Variants in ASH1L observed in about 807,000 individuals in gnomAD.
The protein encoded by ASH1L is ASH1 like histone lysine methyltransferase.
A neutral mutation model predicts 269.0 loss-of-function variants in ASH1L; 23 were observed. That is an observed-to-expected ratio of 0.09 (90% CI 0.06 to 0.12). The LOEUF (loss-of-function observed/expected upper bound fraction) is 0.12, where lower values mean the gene tolerates loss of function less well. ASH1L is among the 10% of genes least tolerant of loss of function. ASH1L has a pLI of 1.00. For synonymous variants in ASH1L, 1,187 were observed against 1,253.5 expected, an observed-to-expected ratio of 0.95 and a Z score of 1.12; for missense variants, 2,912 against 3,567.8, an observed-to-expected ratio of 0.82 and a Z score of 4.68.
intron 5 of ASH1L, among the ~76,000 whole-genome samples, chr1:155,437,284 GA>G (rs1662180794): frequency 6.6e-6 from 1 of 152,084 alleles, no homozygotes; most frequent in Non-Finnish European, 1.5e-5. Context: ...TCAAAAAATT[GA>G]AAAAGCGATT....
intron 17 of ASH1L, among the ~76,000 whole-genome samples, chr1:155,350,810 AC>A (rs1301692255): frequency 6.6e-6 from 1 of 151,704 alleles, no homozygotes; most frequent in African/African-American, 2.4e-5. Context: ...AGTCCCAGCT[AC>A]TCGGCAGGCT....
chr1:155,541,851 C>T (rs1298977047), intron 1 of ASH1L, among the ~76,000 whole-genome samples: 1 of 151,844 alleles, frequency 6.6e-6, no homozygotes, highest in African/African-American at 2.4e-5. Flanking sequence ...GGAAAGTATG[C>T]ATCTCATGAC....
chr1:155,380,958 T>C (rs1054123250), intron 7 of ASH1L, among the ~76,000 whole-genome samples: 1 of 152,050 alleles, frequency 6.6e-6, no homozygotes, highest in African/African-American at 2.4e-5. Context: ...GAAATTCTTA[T>C]ACATATAGTC....
chr1:155,467,048 G>A (rs1478664277), intron 3 of ASH1L, among the ~76,000 whole-genome samples: 11 of 151,986 alleles, frequency 7.2e-5, no homozygotes, highest in Non-Finnish European at 1.6e-4. Context: ...TAATTTACAT[G>A]TAGTAAATCA....
intron 6 of ASH1L, among the ~76,000 whole-genome samples, chr1:155,398,254 C>T (rs957172085): frequency 8.5e-5 from 13 of 152,150 alleles, no homozygotes; most frequent in Non-Finnish European, 1.6e-4. Context: ...AAATGTTGCT[C>T]ACAGAAACTG....
intron 5 of ASH1L, among the ~76,000 whole-genome samples, chr1:155,422,512 T>C (rs904283600): frequency 6.6e-6 from 1 of 151,688 alleles, no homozygotes; most frequent in African/African-American, 2.4e-5. Context: ...CCTCCCAAAG[T>C]GGGAGGCATG....
chr1:155,550,963 A>G, intron 1 of ASH1L, among the ~76,000 whole-genome samples: 1 of 151,992 alleles, frequency 6.6e-6, no homozygotes. Context: ...CTGGGACTAC[A>G]GGTATGTGCC....
rs775887424 is a variant in ASH1L, at chr1:155,480,955, T to C, written c.1915A>G (p.Thr639Ala). The change falls in exon 3 of 28, where the codon ACC becomes GCC. Residue 639 changes from threonine to alanine, a missense_variant. Around this residue, in one of 13 missense-constraint regions of ASH1L, gnomAD observed 715 missense variants for 721.0 expected, o/e 0.99. Transcript: ENST00000392403. ...IDKEVNDSKT[T>A]HIDIPRISSS... ...CTTATTCTTGGAATATCTATATGGG[T>C]AGTTTTTGAATCATTTACCTCTTTA... 1.9e-6 allele frequency: 3 copies of C among 1,614,106 alleles called. No individual in the cohort carries two copies. The highest frequency in any genetic ancestry group is 2.2e-5 in the South Asian group (2 of 91,066).
Position 155,398,636 on chromosome 1 carries a change from A to G in ASH1L, c.6009-3083T>C, listed in dbSNP as rs566054199. Among the ~76,000 whole-genome samples the G allele has an allele frequency of 4.6e-4, 70 of 152,194 alleles. 1 individual carries two copies. Among genetic ancestry groups the G allele is most frequent in the Non-Finnish European group, 7.8e-4 (53 of 68,028 alleles). The stretch of plus-strand genomic sequence containing the variant: ...GTGAAAGCCTAGGAAATTACTGTAC[A>G]TTGTACAAAAAAATGTACAAAAAAG... On this transcript the variant is annotated intron_variant, in intron 6 of 27. Transcript: ENST00000392403.
intron 3 of ASH1L, among the ~76,000 whole-genome samples, chr1:155,476,244 G>A (rs1665534707): frequency 6.6e-6 from 1 of 151,902 alleles, no homozygotes; most frequent in African/African-American, 2.4e-5. Context: ...AAACTAGCCG[G>A]GTGTGGTGGC....
At chr1:155,409,937 G>A (rs887650556) in intron 6 of ASH1L, among the ~76,000 whole-genome samples, 7 of 151,484 alleles carry the variant, frequency 4.6e-5, no homozygotes, top group Non-Finnish European at 7.4e-5. Flanking sequence ...AAGCTGGGGC[G>A]GGCAGATCAC....
intron 19 of ASH1L, among the ~76,000 whole-genome samples, chr1:155,348,872 TTC>T (rs1653603480): frequency 7.1e-6 from 1 of 140,946 alleles, no homozygotes; most frequent in Non-Finnish European, 1.5e-5. Context: ...CAGAGCAAGA[TTC>T]TGTCTCATTT....
At chr1:155,353,081 C>T (rs1345066637) in intron 16 of ASH1L, among the ~76,000 whole-genome samples, 2 of 152,154 alleles carry the variant, frequency 1.3e-5, no homozygotes, top group African/African-American at 2.4e-5. Context: ...TGCTCAAATG[C>T]AATACAGTAT....
intron 21 of ASH1L, among the ~76,000 whole-genome samples, chr1:155,345,209 C>A (rs1315922722): frequency 1.9e-5 from 2 of 106,000 alleles, no homozygotes; most frequent in Admixed American, 3.0e-4. Context: ...GAGACTGAGT[C>A]TCACTCCGTC....
intron 27 of ASH1L, 151 bp from the exon 28 acceptor site, chr1:155,337,902 G>C (rs1267022899): frequency 9.9e-7 from 1 of 1,013,624 alleles, no homozygotes; most frequent in Non-Finnish European, 1.4e-6. Flanking sequence ...GAAAAAGGTG[G>C]TTCTTTAGAG....
intron 2 of ASH1L, among the ~76,000 whole-genome samples, chr1:155,488,874 C>T (rs1666541770): frequency 6.6e-6 from 1 of 151,686 alleles, no homozygotes; most frequent in African/African-American, 2.4e-5. Context: ...AGAAAAATAG[C>T]TTTAGTCCAC....
At chr1:155,477,779 A>G in intron 3 of ASH1L, 107 bp downstream of exon 3, 1 of 1,106,132 alleles carries the variant, frequency 9.0e-7, no homozygotes, top group Non-Finnish European at 1.2e-6. Context: ...ACTTATTAAA[A>G]AACAAAAAAA....
At chr1:155,368,217 G>C (rs1462361319) in intron 12 of ASH1L, among the ~76,000 whole-genome samples, 1 of 151,974 alleles carries the variant, frequency 6.6e-6, no homozygotes, top group African/African-American at 2.4e-5. Flanking sequence ...GGCTGGTCTT[G>C]AACTCCTGGG....
In ASH1L at chr1:155,480,454, T is replaced by G; in HGVS notation, c.2416A>C (p.Thr806Pro). 1 of 1,614,066 alleles carries G rather than the reference T, an allele frequency of 6.2e-7. No individual in the cohort carries two copies. Among genetic ancestry groups the G allele is most frequent in the South Asian group, 1.1e-5 (1 of 91,072 alleles). Residue 806 changes from threonine (T) to proline (P), a missense_variant, in exon 3 of 28, where the codon ACT becomes CCT. Thr to Pro is a conservative substitution (Grantham distance 38, BLOSUM62 -1). This residue lies in a region of ASH1L where 715 missense variants were observed against 721.0 expected (regional missense o/e 0.99). Coordinates refer to ENST00000392403, the MANE Select transcript of ASH1L (RefSeq NM_018489.3). ...SEKPSHKSFA[T>P]HKLSSSMCVS... Reference sequence around the variant, plus strand: ...CACATACTGGAGGATAGTTTGTGAGTAGCAAAAGACTTATGAGATGGTTTT... The same window carrying G: ...CACATACTGGAGGATAGTTTGTGAGGAGCAAAAGACTTATGAGATGGTTTT...
Sources: allele counts gnomAD v4.1 joint callset (sites outside exome capture counted in the v4.1 genomes callset), GRCh38; gene constraint gnomAD v4.1.1; regional missense constraint gnomAD v4.1.1; transcripts MANE v1.5; gene names NCBI Gene and HGNC (gene_info 2026-07-23, HGNC 2026-07-21).